GRAMD4: variants seen among roughly 807,000 people sequenced by gnomAD.
The protein encoded by GRAMD4 is GRAM domain-containing protein 4.
A neutral mutation model predicts 83.9 loss-of-function variants in GRAMD4; 25 were observed. The observed-to-expected ratio is 0.30, with a 90% CI of 0.22 to 0.42. The LOEUF (loss-of-function observed/expected upper bound fraction) is 0.42. Among genes scored for constraint, GRAMD4 ranks in the 10% least tolerant of loss-of-function variants. The pLI is 1.00. For synonymous variants in GRAMD4, 336 were observed against 320.9 expected (o/e 1.05, Z -0.50); for missense variants, 593 against 788.7 (o/e 0.75, Z 2.97).
At chr22:46,593,527 A>G (rs1405396194) in intron 1 of GRAMD4, among the ~76,000 whole-genome samples, 3 of 151,744 alleles carry the variant, frequency 2.0e-5, no homozygotes, top group Non-Finnish European at 4.4e-5. Flanking sequence ...GAGGTGGGCT[A>G]GTGTTGCATT....
intron 1 of GRAMD4, among the ~76,000 whole-genome samples, chr22:46,605,929 G>A (rs1249698975): frequency 6.9e-6 from 1 of 144,506 alleles, no homozygotes. Flanking sequence ...TATTCCTGGT[G>A]CTGAGCATGT....
chr22:46,673,870 G>A (rs1053411457), intron 15 of GRAMD4, 56 bp downstream of exon 15: 15 of 1,588,760 alleles, frequency 9.4e-6, no homozygotes, highest in East Asian at 4.5e-5. Context: ...CTGAAGGCCC[G>A]TGAGGGGGGC....
Position 46,621,334 on chromosome 22 carries a change from C to T in GRAMD4, c.-50+769C>T, listed in dbSNP as rs1042968670. Among the ~76,000 whole-genome samples, 5 of 152,204 alleles carry T rather than the reference C, an allele frequency of 3.3e-5. No homozygotes were observed. Among genetic ancestry groups the T allele is most frequent in the Non-Finnish European group, 1.5e-5 (1 of 68,028 alleles). On this transcript the variant is annotated intron_variant, in intron 1 of 18. Transcript: ENST00000406902. The surrounding 1 kb of genome is among the most constrained non-coding windows in gnomAD (Gnocchi z 5.8). ...TTCATGTCCACCTCGTACCTGTGGACCCGACCTTACTTGGAAATGGCTCTT... is the reference window on the plus strand; with the variant it reads ...TTCATGTCCACCTCGTACCTGTGGATCCGACCTTACTTGGAAATGGCTCTT...
intron 1 of GRAMD4, among the ~76,000 whole-genome samples, chr22:46,610,488 C>T (rs1268619769): frequency 1.3e-5 from 2 of 152,248 alleles, no homozygotes; most frequent in Admixed American, 1.3e-4. Context: ...TTGTAGAGGC[C>T]GTGTGGCCTG....
chr22:46,604,826 C>G (rs190030893), intron 1 of GRAMD4, among the ~76,000 whole-genome samples: 2,852 of 139,384 alleles, frequency 0.02, 130 homozygotes, highest in African/African-American at 0.074. Context: ...CCATAATGTT[C>G]TCTGGGTTCA....
chr22:46,587,975 C>T (rs886532339), intron 1 of GRAMD4: 2 of 983,648 alleles, frequency 2.0e-6, no homozygotes, highest in African/African-American at 3.5e-5. Context: ...TCCAGGGGGC[C>T]AGGGCCTGGT....
At chr22:46,585,333 G>GGGGT in intron 1 of GRAMD4, among the ~76,000 whole-genome samples, 1 of 152,058 alleles carries the variant, frequency 6.6e-6, no homozygotes, top group Non-Finnish European at 1.5e-5. Flanking sequence ...TGGAACTACA[G>GGGGT]GCACGCACCA....
At chr22:46,674,525 C>T (rs1301719527) in intron 15 of GRAMD4, 132 bp from the exon 16 acceptor site, 12 of 739,134 alleles carry the variant, frequency 1.6e-5, no homozygotes, top group Non-Finnish European at 1.2e-5. Context: ...GCGCCTTCCT[C>T]TCACTGTGGG....
At chr22:46,627,712 G>A (rs976065100) in intron 2 of GRAMD4, among the ~76,000 whole-genome samples, 4 of 152,266 alleles carry the variant, frequency 2.6e-5, no homozygotes, top group African/African-American at 9.6e-5. Context: ...CTTCTTTCCA[G>A]GTGTGGCCTG....
chr22:46,621,227 G>C lies in GRAMD4; in HGVS notation c.-50+662G>C, dbSNP rs2081570141. Reference sequence around the variant, plus strand: ...GGTCTGGCCTGAGGTGCAGCCTGGAGCTATGCTCAGTGTGTAGACGGGCCT... The same window carrying C: ...GGTCTGGCCTGAGGTGCAGCCTGGACCTATGCTCAGTGTGTAGACGGGCCT... On this transcript the variant is annotated intron_variant, in intron 1 of 18. Transcript: ENST00000406902. This position sits in a 1 kb window ranked among gnomAD's most constrained non-coding sequence, Gnocchi z 5.8. Among the ~76,000 whole-genome samples, 1 of 152,172 alleles carries C rather than the reference G, an allele frequency of 6.6e-6. No individual in the cohort carries two copies. The highest frequency in any genetic ancestry group is 2.1e-4 in the South Asian group (1 of 4,836).
chr22:46,605,821 T>C (rs897933831), intron 1 of GRAMD4, among the ~76,000 whole-genome samples: 32 of 129,050 alleles, frequency 2.5e-4, no homozygotes, highest in African/African-American at 7.6e-4. Flanking sequence ...TCTGCATGGG[T>C]TTATGGCCGG....
At chr22:46,655,557 G>T (rs1452628590) in intron 3 of GRAMD4, among the ~76,000 whole-genome samples, 3 of 152,192 alleles carry the variant, frequency 2.0e-5, no homozygotes, top group African/African-American at 7.2e-5. Context: ...CCGCCCAAAT[G>T]TGGCTGGCAC....
chr22:46,674,762 C>A lies in GRAMD4; in HGVS notation c.1478+12C>A. 6.3e-7 allele frequency: 1 copy of A among 1,581,018 alleles called. No homozygotes were observed. The highest frequency in any genetic ancestry group is 8.7e-7 in the Non-Finnish European group (1 of 1,151,098). Reference sequence around the variant, plus strand: ...TACGTCACGGAGAAGTGAGTGCAGCCGTGGGGCCCTGTGTGGCTGCAGGGG... The same window carrying A: ...TACGTCACGGAGAAGTGAGTGCAGCAGTGGGGCCCTGTGTGGCTGCAGGGG... On this transcript the variant is annotated intron_variant, in intron 16 of 18. Transcript: ENST00000406902.
intron 5 of GRAMD4, among the ~76,000 whole-genome samples, chr22:46,662,579 C>T (rs905941724): frequency 6.6e-6 from 1 of 152,242 alleles, no homozygotes; most frequent in African/African-American, 2.4e-5. Flanking sequence ...CAGCCTCCCG[C>T]TGCGCCATCC....
intron 1 of GRAMD4, among the ~76,000 whole-genome samples, chr22:46,613,923 G>A (rs993409387): frequency 6.6e-6 from 1 of 152,220 alleles, no homozygotes; most frequent in Non-Finnish European, 1.5e-5. Context: ...AGGTGGGTGA[G>A]GGGAGGCTGC....
Position 46,677,811 on chromosome 22 carries a change from C to T in GRAMD4, c.*560C>T, listed in dbSNP as rs1237031395. The T allele has an allele frequency of 1.0e-6, 1 of 985,550 alleles. No individual in the cohort carries two copies. The highest frequency in any genetic ancestry group is 1.2e-6 in the Non-Finnish European group (1 of 830,124). 61.1% of individuals were successfully genotyped at this position (985,550 alleles called of 1,614,324 possible). ...CATGAGACCCTCCTGTGGCATTTGCCCTTGGTGCCGGGCTGGGGCCGGGCG... is the reference window on the plus strand; with the variant it reads ...CATGAGACCCTCCTGTGGCATTTGCTCTTGGTGCCGGGCTGGGGCCGGGCG... On this transcript the variant is annotated 3_prime_UTR_variant, in exon 19 of 19. Transcript: ENST00000406902.
chr22:46,652,499 C>T (rs1457889687), intron 3 of GRAMD4, among the ~76,000 whole-genome samples: 1 of 152,184 alleles, frequency 6.6e-6, no homozygotes, highest in African/African-American at 2.4e-5. Context: ...GGTGGTGAGC[C>T]ATGGGAAACA....
At chr22:46,661,531 G>T in intron 5 of GRAMD4, 89 bp downstream of exon 5, 1 of 916,764 alleles carries the variant, frequency 1.1e-6, no homozygotes, top group South Asian at 1.3e-5. Context: ...GTTAACAATG[G>T]AGCAGATACC....
rs2082125311 is a variant in GRAMD4 at position 46,648,951 on chromosome 22, G to GATGGATGGATGGATGGATGGATGC, written c.284-9213_284-9212insCATGGATGGATGGATGGATGGATG. 4.6e-5 allele frequency among the ~76,000 whole-genome samples: 4 copies of GATGGATGGATGGATGGATGGATGC among 86,810 alleles called. 1 individual carries two copies. Among genetic ancestry groups the GATGGATGGATGGATGGATGGATGC allele is most frequent in the Non-Finnish European group, 8.4e-5 (3 of 35,784 alleles). The allele number at this position is 86,810 out of a possible 152,430, so 57.0% of individuals were successfully genotyped here. The stretch of plus-strand genomic sequence containing the variant: ...GGATGGATGCATGGATGGATGGATG[G>GATGGATGGATGGATGGATGGATGC]ATGGATGGATGGATGGATGGATGGA... On this transcript the variant is annotated intron_variant, in intron 3 of 18. Transcript: ENST00000406902.
Sources: allele counts gnomAD v4.1 joint callset (sites outside exome capture counted in the v4.1 genomes callset), GRCh38; gene constraint gnomAD v4.1.1; non-coding constraint Gnocchi (gnomAD v3.1); transcripts MANE v1.5; gene names NCBI Gene and HGNC (gene_info 2026-07-23, HGNC 2026-07-21).